The following SLC51B variants were observed in gnomAD, a reference collection of about 807,000 sequenced individuals.
The protein encoded by SLC51B is SLC51 subunit beta, also known as organic solute transporter subunit beta.
SLC51B carries 6 observed loss-of-function variants against 8.0 expected under a neutral mutation model. That is an observed-to-expected ratio of 0.75 (90% CI 0.41 to 1.48). The LOEUF is 1.48. SLC51B is among the 40% of genes most tolerant of loss of function. The probability of loss-of-function intolerance (pLI) is 0.01; values close to 1 mark genes in which losing one functional copy is unlikely to be tolerated. For missense variants in SLC51B, 150 were observed against 149.7 expected, an observed-to-expected ratio of 1.00 and a Z score of -0.01; for synonymous variants, 61 against 54.8, an observed-to-expected ratio of 1.11 and a Z score of -0.50.
In SLC51B at chr15:65,053,193, C is replaced by T; in HGVS notation, c.*29C>T. On this transcript the variant is annotated 3_prime_UTR_variant, in exon 4 of 4. Coordinates refer to ENST00000334287, the MANE Select transcript of SLC51B (RefSeq NM_178859.4). ...GGGTTCAGAGAAGCCCCATCCTAAG[C>T]CAGACACATGATGTGGGCTCAGCTC... 6.2e-7 allele frequency: 1 copy of T among 1,611,540 alleles called. No individual in the cohort carries two copies. The highest frequency in any genetic ancestry group is 8.5e-7 in the Non-Finnish European group (1 of 1,179,414).
At position 65,047,336 on chromosome 15, in the gene SLC51B, C is replaced by CAA. The variant is rs893014231; in HGVS notation, c.-109+1766_-109+1767dup. 5.2e-3 allele frequency among the ~76,000 whole-genome samples: 643 copies of CAA among 122,964 alleles called. 6 individuals carry two copies. The highest frequency in any genetic ancestry group is 0.018 in the African/African-American group (607 of 33,422). 80.7% of individuals were successfully genotyped at this position (122,964 alleles called of 152,430 possible). A position where few individuals can be genotyped will look rare whatever the true frequency, so the allele number is the denominator to read the frequency against. On this transcript the variant is annotated intron_variant, in intron 1 of 3. Coordinates refer to ENST00000334287, the MANE Select transcript of SLC51B (RefSeq NM_178859.4). ...GGGCAGCAAAAACAAAACTCCATCT[C>CAA]AAAAAAAAAAAAACATACATACAAA... is the stretch of plus-strand genomic sequence containing the variant.
At chr15:65,047,795 T>TGACAGATA (rs2086595956) in intron 1 of SLC51B, among the ~76,000 whole-genome samples, 1 of 149,832 alleles carries the variant, frequency 6.7e-6, no homozygotes, top group African/African-American at 2.5e-5. Flanking sequence ...GATCGATAGA[T>TGACAGATA]GATAGATAGA....
intron 1 of SLC51B, chr15:65,049,308 C>T (rs1461855576): frequency 1.3e-5 from 2 of 149,286 alleles, no homozygotes; most frequent in African/African-American, 2.5e-5. Flanking sequence ...ATAACAGAAA[C>T]CAATTCTGCT....
In SLC51B at chr15:65,050,022, G is replaced by GCCCCT; in HGVS notation, c.18_19insCCCCT (p.Ala7ProfsTer46). 1 of 1,551,480 alleles carries GCCCCT rather than the reference G, an allele frequency of 6.4e-7. No homozygotes were observed. Among genetic ancestry groups the GCCCCT allele is most frequent in the Non-Finnish European group, 8.7e-7 (1 of 1,146,894 alleles). ...GCAGGGGCATGGAGCACAGTGAGGG[G>GCCCCT]GCTCCCGGAGACCCAGCCGGTACTG... On this transcript the variant is annotated frameshift_variant, in exon 2 of 4. Coordinates refer to ENST00000334287, the MANE Select transcript of SLC51B (RefSeq NM_178859.4). LOFTEE classifies it high-confidence loss of function.
At chr15:65,048,641 A>G (rs1312528765) in intron 1 of SLC51B, among the ~76,000 whole-genome samples, 3 of 152,150 alleles carry the variant, frequency 2.0e-5, no homozygotes, top group Non-Finnish European at 4.4e-5. Context: ...AGTTACGTTT[A>G]TCTCCATTCC....
intron 1 of SLC51B, among the ~76,000 whole-genome samples, chr15:65,047,804 G>C (rs2140503625): frequency 1.6e-5 from 1 of 61,356 alleles, no homozygotes; most frequent in South Asian, 5.0e-4. Context: ...ATGATAGATA[G>C]ATAGATAGAT....
chr15:65,047,851 G>T (rs1205039345), intron 1 of SLC51B, among the ~76,000 whole-genome samples: 2 of 151,556 alleles, frequency 1.3e-5, no homozygotes, highest in Non-Finnish European at 2.9e-5. Context: ...TCCCTCAAAT[G>T]AGTAAGTAGG....
Position 65,048,710 on chromosome 15 carries a change from A to T in SLC51B, c.-108-1187A>T, listed in dbSNP as rs1487656027. Among the ~76,000 whole-genome samples, 5 of 152,076 alleles carry T rather than the reference A, an allele frequency of 3.3e-5. No homozygotes were observed. The East Asian group carries it at 7.7e-4, about 23-fold the overall frequency. On this transcript the variant is annotated intron_variant, in intron 1 of 3. Coordinates refer to ENST00000334287, the MANE Select transcript of SLC51B (RefSeq NM_178859.4). ...TAATGTGTTTAATGCGTGTCCTTTT[A>T]AAAAAATGTGTTATTGGGTCAGGCG...
intron 1 of SLC51B, among the ~76,000 whole-genome samples, chr15:65,046,781 C>T (rs372567850): frequency 1.3e-4 from 20 of 151,988 alleles, no homozygotes; most frequent in African/African-American, 4.8e-4. Flanking sequence ...GGCGTGGTGG[C>T]ACATGCCTGT....
At position 65,045,413 on chromosome 15, in the gene SLC51B, G is replaced by A. The variant is rs909196746; in HGVS notation, c.-278G>A. ...CCAGAGCTACCAGATGGGTCCAGCT[G>A]CCGCAGGCTCTCCAGGCACTGTCCC... On this transcript the variant is annotated 5_prime_UTR_variant, in exon 1 of 4. Transcript: ENST00000334287. 3 of 152,328 alleles carry A rather than the reference G, an allele frequency of 2.0e-5. No homozygotes were observed. Among genetic ancestry groups the A allele is most frequent in the Non-Finnish European group, 4.4e-5 (3 of 68,106 alleles). 9.4% of individuals were successfully genotyped at this position (152,328 alleles called of 1,614,324 possible). A position where few individuals can be genotyped will look rare whatever the true frequency, so the allele number is the denominator to read the frequency against.
intron 3 of SLC51B, 51 bp downstream of exon 3, chr15:65,051,656 C>T (rs769137789): frequency 1.3e-6 from 2 of 1,547,174 alleles, no homozygotes; most frequent in Admixed American, 1.7e-5. Flanking sequence ...GGTAGAGGCC[C>T]TGCCTTCCCA....
Position 65,049,917 on chromosome 15 carries a change from C to G in SLC51B, c.-88C>G. On this transcript the variant is annotated 5_prime_UTR_variant, in exon 2 of 4. Coordinates refer to ENST00000334287, the MANE Select transcript of SLC51B (RefSeq NM_178859.4). ...TCCAGGGGTCTTCACGGCTTCTCTG[C>G]CCAGGGGCCAGAACCGAGGAGGCCA... 1.0e-6 allele frequency: 1 copy of G among 982,150 alleles called. No homozygotes were observed. Among genetic ancestry groups the G allele is most frequent in the Non-Finnish European group, 1.5e-6 (1 of 675,662 alleles). 60.8% of individuals were successfully genotyped at this position (982,150 alleles called of 1,614,324 possible). A position where few individuals can be genotyped will look rare whatever the true frequency, so the allele number is the denominator to read the frequency against.
chr15:65,045,909 T>C (rs1391034706), intron 1 of SLC51B, among the ~76,000 whole-genome samples: 1 of 152,258 alleles, frequency 6.6e-6, no homozygotes, highest in East Asian at 1.9e-4. Context: ...CTCACGCCTG[T>C]AATTCCAGCA....
intron 1 of SLC51B, chr15:65,049,261 T>C (rs2086615829): frequency 6.6e-6 from 1 of 150,906 alleles, no homozygotes. Context: ...GTAAGGGATT[T>C]ATCCAGAGAG....
chr15:65,051,457 C>A (rs761719010), intron 2 of SLC51B, 58 bp from the exon 3 acceptor site: 3 of 1,534,042 alleles, frequency 2.0e-6, no homozygotes, highest in Non-Finnish European at 2.7e-6. Context: ...CAGCTGTTAG[C>A]GGGCTTGAGA....
chr15:65,052,133 G>T (rs879711819), intron 3 of SLC51B, among the ~76,000 whole-genome samples: 1 of 152,204 alleles, frequency 6.6e-6, no homozygotes, highest in Admixed American at 6.5e-5. Flanking sequence ...AAGGTGGTTG[G>T]GGGAGGGGAG....
At chr15:65,048,118 T>A (rs1176260241) in intron 1 of SLC51B, among the ~76,000 whole-genome samples, 1 of 151,808 alleles carries the variant, frequency 6.6e-6, no homozygotes, top group African/African-American at 2.4e-5. Flanking sequence ...GAGGCATAGG[T>A]TGCAGTGAGC....
chr15:65,049,160 T>C (rs1011052867), intron 1 of SLC51B: 1 of 152,118 alleles, frequency 6.6e-6, no homozygotes, highest in Admixed American at 6.5e-5. Flanking sequence ...ATGCAGTTAG[T>C]ACAAGAAGAC....
chr15:65,050,146 A>G (rs1470898871), intron 2 of SLC51B, 45 bp downstream of exon 2: 1 of 1,478,772 alleles, frequency 6.8e-7, no homozygotes, highest in Non-Finnish European at 9.2e-7. Flanking sequence ...TGTGCCCCTC[A>G]ACACAGAGCA....
Sources: allele counts gnomAD v4.1 joint callset (sites outside exome capture counted in the v4.1 genomes callset), GRCh38; gene constraint gnomAD v4.1.1; transcripts MANE v1.5; gene names NCBI Gene and HGNC (gene_info 2026-07-23, HGNC 2026-07-21).